VPS50: variants seen among roughly 807,000 people sequenced by gnomAD.
VPS50 encodes VPS50 subunit of EARP/GARPII complex.
In VPS50, 70 loss-of-function variants were observed where a neutral mutation model predicts 139.7. The observed-to-expected ratio is 0.50, with a 90% CI of 0.41 to 0.61. The LOEUF (loss-of-function observed/expected upper bound fraction) is 0.61. VPS50 is among the 20% of genes least tolerant of loss of function. The pLI is 0.00. For missense variants in VPS50, 921 were observed against 1,133.7 expected (o/e 0.81, Z 2.69); for synonymous variants, 365 against 376.7 (o/e 0.97, Z 0.36).
intron 23 of VPS50, among the ~76,000 whole-genome samples, chr7:93,343,686 C>T (rs1389446360): frequency 1.3e-5 from 2 of 152,030 alleles, no homozygotes; most frequent in Non-Finnish European, 2.9e-5. Context: ...ATTCAACATT[C>T]TTAAAAGAAT....
intron 27 of VPS50, 101 bp from the exon 28 acceptor site, chr7:93,358,216 G>A (rs1040534037): frequency 2.9e-6 from 3 of 1,046,616 alleles, no homozygotes; most frequent in Non-Finnish European, 4.4e-6. Flanking sequence ...ATAATGCTCA[G>A]TAACTATCCA....
At chr7:93,282,770 C>G (rs894292464) in intron 12 of VPS50, among the ~76,000 whole-genome samples, 1 of 152,156 alleles carries the variant, frequency 6.6e-6, no homozygotes, top group African/African-American at 2.4e-5. Flanking sequence ...CTGAATGCTA[C>G]AAATTTGAAT....
chr7:93,256,434 A>T, intron 4 of VPS50, 75 bp from the exon 5 acceptor site: 2 of 738,740 alleles, frequency 2.7e-6, no homozygotes, highest in Non-Finnish European at 4.3e-6. Context: ...TCTTTTAAAA[A>T]TTCAAATATA....
chr7:93,321,403 C>G (rs1259359266), intron 20 of VPS50, among the ~76,000 whole-genome samples: 1 of 152,168 alleles, frequency 6.6e-6, no homozygotes, highest in Non-Finnish European at 1.5e-5. Context: ...CGTCTGCTGT[C>G]TGCCTGTTCT....
intron 13 of VPS50, among the ~76,000 whole-genome samples, chr7:93,292,203 T>A (rs984529971): frequency 2.0e-5 from 3 of 152,126 alleles, no homozygotes; most frequent in African/African-American, 7.2e-5. Flanking sequence ...TTAATCTATT[T>A]AGCCAATTTT....
At chr7:93,297,396 C>A (rs768626664) in intron 16 of VPS50, among the ~76,000 whole-genome samples, 153 bp downstream of exon 16, 16 of 151,832 alleles carry the variant, frequency 1.1e-4, no homozygotes, top group Non-Finnish European at 1.8e-4. Flanking sequence ...ATTTTTTTAA[C>A]CAAAATATGA....
intron 9 of VPS50, among the ~76,000 whole-genome samples, chr7:93,260,125 G>A (rs1003208287): frequency 6.6e-6 from 1 of 152,166 alleles, no homozygotes; most frequent in African/African-American, 2.4e-5. Context: ...AAGTGATTAT[G>A]TATTCAATGT....
At chr7:93,248,880 C>T (rs1261518036) in intron 2 of VPS50, among the ~76,000 whole-genome samples, 1 of 152,040 alleles carries the variant, frequency 6.6e-6, no homozygotes, top group African/African-American at 2.4e-5. Context: ...GAATAAGTTC[C>T]AGTTCAGATG....
intron 9 of VPS50, among the ~76,000 whole-genome samples, chr7:93,269,534 T>G (rs1315340226): frequency 1.3e-5 from 2 of 152,104 alleles, no homozygotes; most frequent in African/African-American, 4.8e-5. Flanking sequence ...CCTCTAGATG[T>G]TTGGACATTT....
intron 20 of VPS50, among the ~76,000 whole-genome samples, chr7:93,313,075 T>C (rs1294721716): frequency 1.3e-5 from 2 of 152,254 alleles, no homozygotes; most frequent in Non-Finnish European, 2.9e-5. Context: ...CTCTTCATTC[T>C]AAGATGTAGG....
intron 21 of VPS50, among the ~76,000 whole-genome samples, chr7:93,329,897 A>G (rs1797884866): frequency 6.6e-6 from 1 of 152,226 alleles, no homozygotes; most frequent in African/African-American, 2.4e-5. Context: ...AAGAATTCCT[A>G]AAGGAAGTTA....
intron 11 of VPS50, among the ~76,000 whole-genome samples, chr7:93,275,044 A>T (rs944833319): frequency 1.3e-5 from 2 of 152,184 alleles, no homozygotes; most frequent in African/African-American, 2.4e-5. Flanking sequence ...CAGCAACAGA[A>T]GTAGAATTAG....
At chr7:93,281,735 T>G (rs1796332790) in intron 12 of VPS50, among the ~76,000 whole-genome samples, 1 of 152,096 alleles carries the variant, frequency 6.6e-6, no homozygotes, top group Non-Finnish European at 1.5e-5. Context: ...TATGCATATT[T>G]TAAATTATAC....
chr7:93,296,776 G>A lies in VPS50; in HGVS notation c.1202G>A (p.Gly401Glu). 1 of 1,605,340 alleles carries A rather than the reference G, an allele frequency of 6.2e-7. No homozygotes were observed. The highest frequency in any genetic ancestry group is 8.5e-7 in the Non-Finnish European group (1 of 1,178,230). The change falls in exon 15 of 28, where the codon GGA becomes GAA. Residue 401 changes from glycine (G) to glutamate (E), a missense_variant. Gly to Glu is a moderately conservative substitution (Grantham distance 98, BLOSUM62 -2). Around this residue, in one of 3 missense-constraint regions of VPS50, gnomAD observed 744 missense variants for 930.6 expected, o/e 0.80. Coordinates refer to ENST00000305866, the MANE Select transcript of VPS50 (RefSeq NM_017667.4). ...VQLKVKTYLL[G>E]TDLSIFKYDD... is the part of the protein sequence containing the mutation. Reference sequence around the variant, plus strand: ...CTAAAAGTAAAAACCTACTTGCTTGGAACTGATTTGTCTATATTCAAATAT... The same window carrying A: ...CTAAAAGTAAAAACCTACTTGCTTGAAACTGATTTGTCTATATTCAAATAT...
rs371874797 is a variant in VPS50 at position 93,252,683 on chromosome 7, A to G, written c.133A>G (p.Ser45Gly). The change falls in exon 3 of 28, where the codon AGT becomes GGT. Residue 45 changes from serine (S) to glycine (G), a missense_variant. This residue lies in a region of VPS50 where 744 missense variants were observed against 930.6 expected (regional missense o/e 0.80). Transcript: ENST00000305866. ...EEFRELREQP[S>G]DPQAEQELIN... The stretch of plus-strand genomic sequence containing the variant: ...ATTCAGGGAACTTCGAGAACAGCCA[A>G]GTGACCCTCAAGCTGAACAAGAGCT... 1.2e-6 allele frequency: 2 copies of G among 1,603,978 alleles called. No individual in the cohort carries two copies. Among genetic ancestry groups the G allele is most frequent in the East Asian group, 2.2e-5 (1 of 44,708 alleles).
rs1317622331 is a variant in VPS50 at position 93,356,019 on chromosome 7, C to G, written c.2714C>G (p.Thr905Ser). Residue 905 changes from threonine (T) to serine (S), a missense_variant, in exon 27 of 28, where the codon ACT (threonine) becomes AGT (serine). By Grantham distance (58) the Thr-to-Ser change is moderately conservative. This residue lies in a region of VPS50 where 158 missense variants were observed against 156.3 expected (regional missense o/e 1.01). Coordinates refer to ENST00000305866, the MANE Select transcript of VPS50 (RefSeq NM_017667.4). ...ATTCCTGATAAAGAATTTGTAGAAA[C>G]TTATATTAAAGCTTATTACCTAACT... ...RPIPDKEFVE[T>S]YIKAYYLTEN... The G allele has an allele frequency of 6.3e-7, 1 of 1,579,338 alleles. No individual in the cohort carries two copies.
At chr7:93,323,562 C>T in intron 20 of VPS50, 49 bp from the exon 21 acceptor site, 1 of 750,066 alleles carries the variant, frequency 1.3e-6, no homozygotes, top group Non-Finnish European at 1.9e-6. Context: ...TATAGACTAA[C>T]AGATTTTAAT....
chr7:93,355,864 A>ATT, intron 26 of VPS50, 27 bp from the exon 27 acceptor site: 9 of 1,378,976 alleles, frequency 6.5e-6, no homozygotes, highest in African/African-American at 2.9e-5. Flanking sequence ...CCTATAATGT[A>ATT]TTTTTTTTTA....
At chr7:93,258,492 T>C in intron 8 of VPS50, 100 bp downstream of exon 8, 1 of 865,664 alleles carries the variant, frequency 1.2e-6, no homozygotes, top group Non-Finnish European at 1.9e-6. Context: ...GGGTTTATGA[T>C]ATAAAGAATA....
Sources: gnomAD v4.1 joint callset for allele counts (sites outside exome capture counted in the v4.1 genomes callset) on GRCh38, gnomAD v4.1.1 for gene constraint, gnomAD v4.1.1 regional missense constraint, MANE v1.5 for transcripts, NCBI Gene and HGNC (gene_info 2026-07-23, HGNC 2026-07-21) for gene names.